The following GRIK2 variants were observed in gnomAD, a reference collection of about 807,000 sequenced individuals.
GRIK2 encodes the protein glutamate ionotropic receptor kainate type subunit 2, also known as glutamate receptor ionotropic, kainate 2.
A neutral mutation model predicts 100.3 loss-of-function variants in GRIK2; 32 were observed. The observed-to-expected ratio is 0.32, with a 90% CI of 0.24 to 0.43. GRIK2 has a LOEUF of 0.43. Among genes scored for constraint, GRIK2 ranks in the 20% least tolerant of loss-of-function variants. The pLI, the probability that GRIK2 is intolerant of heterozygous loss-of-function variation, is 1.00. For missense variants in GRIK2, 843 were observed against 1,114.9 expected (o/e 0.76, Z 3.47); for synonymous variants, 417 against 389.4 (o/e 1.07, Z -0.83).
intron 16 of GRIK2, among the ~76,000 whole-genome samples, chr6:102,067,292 A>T (rs1248493600): frequency 6.6e-6 from 1 of 151,672 alleles, no homozygotes; most frequent in Non-Finnish European, 1.5e-5. Flanking sequence ...ACTTTTCAAT[A>T]ATATATTATT....
intron 2 of GRIK2, among the ~76,000 whole-genome samples, chr6:101,601,941 T>C (rs1481540097): frequency 6.6e-6 from 1 of 151,722 alleles, no homozygotes; most frequent in African/African-American, 2.4e-5. Context: ...TCAGTTCCTG[T>C]CTAATTATAG....
At chr6:101,984,900 A>C (rs1018665326) in intron 14 of GRIK2, among the ~76,000 whole-genome samples, 14 of 151,790 alleles carry the variant, frequency 9.2e-5, no homozygotes, top group African/African-American at 3.4e-4. Flanking sequence ...TAATACATAG[A>C]TAGCCAATAT....
chr6:101,772,463 C>A (rs1562373740), intron 7 of GRIK2, among the ~76,000 whole-genome samples: 1 of 152,128 alleles, frequency 6.6e-6, no homozygotes. Context: ...TACTCCTGGT[C>A]TTCTGAGTTC....
intron 6 of GRIK2, among the ~76,000 whole-genome samples, chr6:101,683,750 T>A (rs1448859528): frequency 2.0e-5 from 3 of 152,340 alleles, no homozygotes; most frequent in South Asian, 4.1e-4. Flanking sequence ...CTTTTAATTG[T>A]TGTGCCATTA....
At chr6:102,008,044 A>AAAC (rs750731574) in intron 14 of GRIK2, among the ~76,000 whole-genome samples, 10 of 152,128 alleles carry the variant, frequency 6.6e-5, no homozygotes, top group African/African-American at 9.6e-5. Context: ...GGAAAAGGAA[A>AAAC]AACAACAACA....
intron 2 of GRIK2, among the ~76,000 whole-genome samples, chr6:101,412,440 A>G (rs1374453490): frequency 6.6e-6 from 1 of 152,036 alleles, no homozygotes; most frequent in Non-Finnish European, 1.5e-5. Context: ...TACTGACAGT[A>G]TGATTTAAAA....
chr6:101,435,758 T>G (rs1290728655), intron 2 of GRIK2, among the ~76,000 whole-genome samples: 2 of 152,292 alleles, frequency 1.3e-5, no homozygotes, highest in East Asian at 3.9e-4. Context: ...ATTGACATTC[T>G]CCATCTGACA....
intron 11 of GRIK2, among the ~76,000 whole-genome samples, chr6:101,882,878 T>C (rs956878589): frequency 1.3e-5 from 2 of 152,094 alleles, no homozygotes; most frequent in Non-Finnish European, 2.9e-5. Flanking sequence ...GACATAACCA[T>C]ATGCGGTAAC....
intron 10 of GRIK2, among the ~76,000 whole-genome samples, chr6:101,857,891 C>T (rs999226458): frequency 3.3e-5 from 5 of 152,160 alleles, no homozygotes; most frequent in Non-Finnish European, 7.3e-5. Context: ...AACTCACTCA[C>T]TTACTGGATG....
chr6:101,519,216 T>C (rs1337072215), intron 2 of GRIK2, among the ~76,000 whole-genome samples: 1 of 151,948 alleles, frequency 6.6e-6, no homozygotes, highest in East Asian at 1.9e-4. Context: ...TAGAGACATA[T>C]TTACAGAGGC....
intron 4 of GRIK2, among the ~76,000 whole-genome samples, chr6:101,657,760 A>T (rs945171673): frequency 5.9e-5 from 9 of 152,178 alleles, no homozygotes; most frequent in African/African-American, 2.2e-4. Context: ...AGATTCAAAA[A>T]TTCAACACAG....
At chr6:101,969,367 A>C (rs1341852085) in intron 14 of GRIK2, among the ~76,000 whole-genome samples, 1 of 152,008 alleles carries the variant, frequency 6.6e-6, no homozygotes, top group Non-Finnish European at 1.5e-5. Context: ...TATAGCTTCA[A>C]AATATTTGTT....
intron 2 of GRIK2, among the ~76,000 whole-genome samples, chr6:101,502,483 C>T (rs996095496): frequency 2.0e-5 from 3 of 151,542 alleles, no homozygotes; most frequent in African/African-American, 4.8e-5. Context: ...ATTTCCGAGA[C>T]ATAGAAAATA....
intron 10 of GRIK2, among the ~76,000 whole-genome samples, chr6:101,836,468 G>T (rs1783099579): frequency 7.4e-6 from 1 of 134,404 alleles, no homozygotes; most frequent in African/African-American, 3.3e-5. Flanking sequence ...TTGATTACAT[G>T]TTGAAATGAT....
chr6:102,035,839 C>T (rs1770240759), intron 15 of GRIK2, among the ~76,000 whole-genome samples: 1 of 151,334 alleles, frequency 6.6e-6, no homozygotes, highest in African/African-American at 2.4e-5. Flanking sequence ...CCCAGCTAAC[C>T]TTCTCTTTTC....
intron 10 of GRIK2, among the ~76,000 whole-genome samples, chr6:101,854,666 C>T (rs1161067764): frequency 6.6e-6 from 1 of 151,644 alleles, no homozygotes; most frequent in African/African-American, 2.4e-5. Context: ...TAATTAATTC[C>T]CCTAACAACT....
At chr6:101,760,463 A>G (rs1408262180) in intron 7 of GRIK2, among the ~76,000 whole-genome samples, 1,531 of 18,790 alleles carry the variant, frequency 0.081, 147 homozygotes, top group Non-Finnish European at 0.13. Context: ...AATTAATTAT[A>G]TTTAATTATA....
intron 7 of GRIK2, among the ~76,000 whole-genome samples, chr6:101,786,268 T>G (rs374991464): frequency 0.052 from 7,907 of 152,134 alleles, 476 homozygotes; most frequent in African/African-American, 0.15. Context: ...TTGACTTTTT[T>G]TTTTTCCAGT....
Position 101,542,659 on chromosome 6 carries a change from A to G in GRIK2, c.116-79290A>G, listed in dbSNP as rs1159761474. On this transcript the variant is annotated intron_variant, in intron 2 of 16. Coordinates refer to ENST00000369134, the MANE Select transcript of GRIK2 (RefSeq NM_021956.5). ...TTAGCAATTTTTAGACGCTACTTAC[A>G]AATAGCTGTTTTGGAAGAACATGAG... 3.3e-5 allele frequency among the ~76,000 whole-genome samples: 5 copies of G among 152,250 alleles called. No individual in the cohort carries two copies. The East Asian group carries it at 9.7e-4, about 29-fold the overall frequency.
Sources: allele counts gnomAD v4.1 joint callset (sites outside exome capture counted in the v4.1 genomes callset), GRCh38; gene constraint gnomAD v4.1.1; transcripts MANE v1.5; gene names NCBI Gene and HGNC (gene_info 2026-07-23, HGNC 2026-07-21).